The following DACH2 variants were observed in gnomAD, a reference collection of about 807,000 sequenced individuals.
DACH2 encodes dachshund homolog 2.
In DACH2, 17 loss-of-function variants were observed where a neutral mutation model predicts 35.8. That is an observed-to-expected ratio of 0.48 (90% confidence interval 0.33 to 0.71). DACH2 has a LOEUF of 0.71. DACH2 is among the 30% of genes least tolerant of loss of function. The probability of loss-of-function intolerance (pLI) is 0.02; values close to 1 mark genes in which losing one functional copy is unlikely to be tolerated. For synonymous variants in DACH2, 195 were observed against 177.3 expected (o/e 1.10, Z -0.79); for missense variants, 469 against 472.7 (o/e 0.99, Z 0.07).
chrX:86,452,288 A>G (rs1225432319), intron 2 of DACH2, among the ~76,000 whole-genome samples: 2 of 110,675 alleles, frequency 1.8e-5, no homozygotes, highest in African/African-American at 3.3e-5. Flanking sequence ...TGAGTATTAT[A>G]TTTTATTGTA....
chrX:86,297,602 A>T (rs1221377923), intron 1 of DACH2, among the ~76,000 whole-genome samples: 2 of 112,103 alleles, frequency 1.8e-5, no homozygotes, highest in African/African-American at 3.2e-5. Flanking sequence ...CTACAGGTGA[A>T]TCAGGGGCTA....
At chrX:86,492,667 A>G (rs2038110266) in intron 2 of DACH2, among the ~76,000 whole-genome samples, 1 of 111,279 alleles carries the variant, frequency 9.0e-6, no homozygotes. Flanking sequence ...TGAGTACCTG[A>G]TATTTAGCTC....
chrX:86,524,962 A>T (rs750166034), intron 3 of DACH2, among the ~76,000 whole-genome samples: 1 of 111,798 alleles, frequency 8.9e-6, no homozygotes, highest in East Asian at 2.8e-4. Flanking sequence ...GCTCTATGTT[A>T]TAAAGAACTA....
chrX:86,435,140 G>A (rs777770009), intron 2 of DACH2, among the ~76,000 whole-genome samples: 9 of 111,402 alleles, frequency 8.1e-5, no homozygotes, highest in Non-Finnish European at 1.7e-4. Flanking sequence ...TTCAAACAAC[G>A]TCACAGAATT....
chrX:86,470,063 G>C (rs1460543832), intron 2 of DACH2, among the ~76,000 whole-genome samples: 1 of 95,782 alleles, frequency 1.0e-5, no homozygotes, highest in Non-Finnish European at 1.9e-5. Flanking sequence ...CTGTGGCACT[G>C]TTAATCTTAT....
At chrX:86,498,689 C>T (rs780662126) in intron 2 of DACH2, among the ~76,000 whole-genome samples, 3 of 112,226 alleles carry the variant, frequency 2.7e-5, no homozygotes, top group South Asian at 7.3e-4. Context: ...AAGAATCCTA[C>T]CTGGCTTATA....
At chrX:86,663,144 C>T (rs1319041714) in intron 4 of DACH2, among the ~76,000 whole-genome samples, 1 of 111,398 alleles carries the variant, frequency 9.0e-6, no homozygotes, top group East Asian at 2.8e-4. Context: ...AGACCATTGA[C>T]TCTCGGAGTA....
chrX:86,764,175 A>G (rs1403679346), intron 7 of DACH2, among the ~76,000 whole-genome samples: 1 of 112,507 alleles, frequency 8.9e-6, no homozygotes, highest in East Asian at 2.8e-4. Flanking sequence ...TATCCATACA[A>G]CATCATCCAA....
chrX:86,506,567 A>T (rs1346670803), intron 2 of DACH2, among the ~76,000 whole-genome samples: 6 of 110,069 alleles, frequency 5.5e-5, no homozygotes, highest in Admixed American at 1.9e-4. Flanking sequence ...ATAATGCTTT[A>T]ATTTTTTGTA....
intron 3 of DACH2, among the ~76,000 whole-genome samples, chrX:86,519,579 T>C (rs1895424001): frequency 8.9e-6 from 1 of 111,869 alleles, no homozygotes; most frequent in Admixed American, 9.5e-5. Flanking sequence ...CAGAGTGTGT[T>C]ATTGGTCTGT....
At chrX:86,540,157 G>C (rs1479878783) in intron 3 of DACH2, among the ~76,000 whole-genome samples, 3 of 111,775 alleles carry the variant, frequency 2.7e-5, no homozygotes, top group Non-Finnish European at 5.6e-5. Flanking sequence ...GAGCATTATA[G>C]AGAATGCGTT....
chrX:86,400,036 G>A (rs1465572981), intron 2 of DACH2, among the ~76,000 whole-genome samples: 1 of 111,537 alleles, frequency 9.0e-6, no homozygotes, highest in Non-Finnish European at 1.9e-5. Context: ...TGTAGATTTG[G>A]TCTTTTCACA....
intron 1 of DACH2, among the ~76,000 whole-genome samples, chrX:86,253,023 A>T (rs2033433102): frequency 9.1e-6 from 1 of 110,208 alleles, no homozygotes; most frequent in Admixed American, 9.7e-5. Context: ...AACTTTAAAG[A>T]CTCCTCCAAA....
chrX:86,157,937 T>G (rs2030606846), intron 1 of DACH2, among the ~76,000 whole-genome samples: 1 of 111,224 alleles, frequency 9.0e-6, no homozygotes, highest in Non-Finnish European at 1.9e-5. Flanking sequence ...CTATACTATC[T>G]CTTAATGGCC....
At chrX:86,551,859 C>T (rs766943677) in intron 3 of DACH2, among the ~76,000 whole-genome samples, 5 of 111,666 alleles carry the variant, frequency 4.5e-5, no homozygotes, top group Non-Finnish European at 7.5e-5. Flanking sequence ...AACTTTGAAG[C>T]TTTCAATGTA....
intron 1 of DACH2, among the ~76,000 whole-genome samples, chrX:86,316,976 A>G (rs2034923324): frequency 9.1e-6 from 1 of 109,333 alleles, no homozygotes; most frequent in Non-Finnish European, 1.9e-5. Context: ...AAATTAGCAG[A>G]GTGTTGTGGT....
intron 1 of DACH2, among the ~76,000 whole-genome samples, chrX:86,333,750 T>C (rs894294911): frequency 2.6e-4 from 29 of 111,923 alleles, no homozygotes; most frequent in African/African-American, 9.4e-4. Flanking sequence ...CTTGAATGAT[T>C]ATACTTATTA....
intron 1 of DACH2, among the ~76,000 whole-genome samples, chrX:86,327,518 G>A (rs1313701265): frequency 8.9e-6 from 1 of 111,862 alleles, no homozygotes; most frequent in Non-Finnish European, 1.9e-5. Flanking sequence ...TAGTGGTAAA[G>A]GTGTCAAGGG....
At chrX:86,195,707 C>T (rs1342488324) in intron 1 of DACH2, among the ~76,000 whole-genome samples, 1 of 111,374 alleles carries the variant, frequency 9.0e-6, no homozygotes, top group Non-Finnish European at 1.9e-5. Flanking sequence ...AGCAGTGGTC[C>T]AGGAGCACAT....
Sources: gnomAD v4.1 joint callset for allele counts (sites outside exome capture counted in the v4.1 genomes callset) on GRCh38, gnomAD v4.1.1 for gene constraint, MANE v1.5 for transcripts, NCBI Gene and HGNC (gene_info 2026-07-23, HGNC 2026-07-21) for gene names.